BORA: variants seen among roughly 807,000 people sequenced by gnomAD.
The protein encoded by BORA is protein aurora borealis.
BORA carries 26 observed loss-of-function variants against 55.8 expected under a neutral mutation model. The ratio of observed to expected loss-of-function variants is 0.47; its 90% confidence interval spans 0.34 to 0.65. BORA has a LOEUF of 0.65. BORA is among the 30% of genes least tolerant of loss of function. The pLI is 0.01. For synonymous variants in BORA, 201 were observed against 216.9 expected, an observed-to-expected ratio of 0.93 and a Z score of 0.64; for missense variants, 568 against 671.5, an observed-to-expected ratio of 0.85 and a Z score of 1.70.
At position 72,756,184 on chromosome 13, in the gene BORA, C is replaced by A. The variant is rs1250993399; in HGVS notation, c.*968C>A. 2.7e-5 allele frequency: 1 copy of A among 36,880 alleles called. No homozygotes were observed. Among genetic ancestry groups the A allele is most frequent in the Non-Finnish European group, 4.2e-5 (1 of 23,634 alleles). The allele number at this position is 36,880 out of a possible 1,614,324, so 2.3% of individuals were successfully genotyped here. ...TGTCTCATTCAAAAGGGAATAAAGACCTGTGTTATCAATGTGTCATTTTCT... is the reference window on the plus strand; with the variant it reads ...TGTCTCATTCAAAAGGGAATAAAGAACTGTGTTATCAATGTGTCATTTTCT... On this transcript the variant is annotated 3_prime_UTR_variant, in exon 12 of 12. Coordinates refer to ENST00000390667, the MANE Select transcript of BORA (RefSeq NM_024808.5).
At position 72,741,941 on chromosome 13, in the gene BORA, G is replaced by A. The variant is rs1593812358; in HGVS notation, c.389-1596G>A. 2.0e-5 allele frequency among the ~76,000 whole-genome samples: 3 copies of A among 152,232 alleles called. No individual in the cohort carries two copies. In the East Asian group the frequency reaches 5.8e-4, roughly 29 times the overall value. ...TAATATTTAATTAGATGGCAACCAT[G>A]CTAGAGAAATAGACATGGTTTTGAA... On this transcript the variant is annotated intron_variant, in intron 5 of 11. Transcript: ENST00000390667.
In BORA at chr13:72,744,967, A is replaced by G. The variant is rs1378996402; in HGVS notation, c.512-14A>G. The G allele has an allele frequency of 1.2e-6, 2 of 1,606,898 alleles. No homozygotes were observed. Among genetic ancestry groups the G allele is most frequent in the Admixed American group, 1.7e-5 (1 of 59,818 alleles). ...AATGACTAGCTTTGCCTTTTCTCCT[A>G]TTATTAAATATAGGTGACTATTTTA... is the stretch of plus-strand genomic sequence containing the variant. On this transcript the variant is annotated splice_polypyrimidine_tract_variant and intron_variant, in intron 7 of 11. Transcript: ENST00000390667.
intron 3 of BORA, among the ~76,000 whole-genome samples, chr13:72,734,375 A>G (rs563542196): frequency 6.6e-6 from 1 of 152,322 alleles, no homozygotes; most frequent in East Asian, 1.9e-4. Context: ...AAAATTTTAT[A>G]TTAAATCTTG....
chr13:72,728,388 C>T (rs2032732684), intron 1 of BORA: 4 of 596,994 alleles, frequency 6.7e-6, no homozygotes, highest in Admixed American at 3.0e-5. Flanking sequence ...CAGTTAATTT[C>T]CTAGCCCCTG....
chr13:72,738,995 G>A (rs1021080698), intron 5 of BORA, among the ~76,000 whole-genome samples: 3 of 152,172 alleles, frequency 2.0e-5, no homozygotes, highest in Non-Finnish European at 4.4e-5. Flanking sequence ...ATTAGTGGTA[G>A]CACGCAATAG....
intron 3 of BORA, among the ~76,000 whole-genome samples, chr13:72,732,289 A>G (rs947739953): frequency 3.3e-5 from 5 of 152,182 alleles, no homozygotes; most frequent in African/African-American, 1.2e-4. Context: ...CATGATGACC[A>G]TTCAATCATA....
chr13:72,734,344 A>G (rs1366184516), intron 3 of BORA, among the ~76,000 whole-genome samples: 1 of 152,182 alleles, frequency 6.6e-6, no homozygotes, highest in Non-Finnish European at 1.5e-5. Context: ...CTTGGCAAGT[A>G]TATGCTTTGT....
At position 72,744,840 on chromosome 13, in the gene BORA, C is replaced by A. The variant is rs2033108943; in HGVS notation, c.512-141C>A. 9.9e-6 allele frequency: 7 copies of A among 706,246 alleles called. 1 individual carries two copies. In the Middle Eastern group the frequency reaches 1.4e-3, roughly 141 times the overall value. The allele number at this position is 706,246 out of a possible 1,614,324, so 43.7% of individuals were successfully genotyped here. On this transcript the variant is annotated intron_variant, in intron 7 of 11. Transcript: ENST00000390667. Reference sequence around the variant, plus strand: ...AGGAATAATTTAAGATGTAAAACATCAAATATGCAATTAAACTTTGCCCTC... The same window carrying A: ...AGGAATAATTTAAGATGTAAAACATAAAATATGCAATTAAACTTTGCCCTC...
intron 5 of BORA, among the ~76,000 whole-genome samples, chr13:72,739,703 C>T (rs1334597098): frequency 6.6e-6 from 1 of 152,114 alleles, no homozygotes; most frequent in Non-Finnish European, 1.5e-5. Flanking sequence ...CCACCAGCCA[C>T]CTGGGTATTT....
At chr13:72,754,339 TCTTACTCTGTCACC>T (rs1482276766) in intron 11 of BORA, 1 of 150,064 alleles carries the variant, frequency 6.7e-6, no homozygotes, top group South Asian at 2.1e-4. Flanking sequence ...TGAGACAGGG[TCTTACTCTGTCACC>T]CGGGCTGGAG....
chr13:72,743,475 A>T, intron 5 of BORA, 62 bp from the exon 6 acceptor site: 1 of 1,221,046 alleles, frequency 8.2e-7, no homozygotes, highest in Non-Finnish European at 1.1e-6. Context: ...CTTTGGAAAA[A>T]GTAATGCTAA....
At chr13:72,747,460 A>G (rs973587856) in intron 10 of BORA, among the ~76,000 whole-genome samples, 1 of 152,138 alleles carries the variant, frequency 6.6e-6, no homozygotes, top group African/African-American at 2.4e-5. Context: ...GGTCTGGTAT[A>G]GTATTTGCAT....
intron 10 of BORA, among the ~76,000 whole-genome samples, chr13:72,748,278 A>G (rs2033193721): frequency 6.6e-6 from 1 of 152,250 alleles, no homozygotes; most frequent in Non-Finnish European, 1.5e-5. Flanking sequence ...ACAACTAGTA[A>G]GTGGAAGAGC....
At chr13:72,732,533 C>T (rs575746042) in intron 3 of BORA, among the ~76,000 whole-genome samples, 7 of 152,032 alleles carry the variant, frequency 4.6e-5, no homozygotes, top group South Asian at 2.1e-4. Flanking sequence ...AAACATTAGC[C>T]GGGCATGGTG....
chr13:72,744,403 C>T (rs888301068), intron 6 of BORA, 102 bp from the exon 7 acceptor site: 11 of 939,570 alleles, frequency 1.2e-5, no homozygotes, highest in East Asian at 5.0e-5. Context: ...TGGAACATCA[C>T]GGGGAGATGA....
intron 4 of BORA, among the ~76,000 whole-genome samples, chr13:72,735,778 T>C (rs1234273042): frequency 6.6e-6 from 1 of 152,006 alleles, no homozygotes; most frequent in African/African-American, 2.4e-5. Context: ...CGCAGCTAAT[T>C]TTGTATTTTT....
At position 72,739,179 on chromosome 13, in the gene BORA, A is replaced by G. The variant is rs2032988753; in HGVS notation, c.388+1136A>G. Among the ~76,000 whole-genome samples, 4 of 152,206 alleles carry G rather than the reference A, an allele frequency of 2.6e-5. No individual in the cohort carries two copies. The South Asian group carries it at 8.3e-4, about 31-fold the overall frequency. On this transcript the variant is annotated intron_variant, in intron 5 of 11. Coordinates refer to ENST00000390667, the MANE Select transcript of BORA (RefSeq NM_024808.5). Reference sequence around the variant, plus strand: ...ATTGTGTGTCCAAGGTGGCATTCTCATAGATACTAGTTTTTCACCCCCAGA... The same window carrying G: ...ATTGTGTGTCCAAGGTGGCATTCTCGTAGATACTAGTTTTTCACCCCCAGA...
At chr13:72,743,709 C>CTTT (rs34245891) in intron 6 of BORA, 107 bp downstream of exon 6, 128 of 605,352 alleles carry the variant, frequency 2.1e-4, no homozygotes, top group South Asian at 7.6e-4. Flanking sequence ...AAATTGTTTC[C>CTTT]TTTTTTTTTT....
At chr13:72,737,585 A>G (rs187011678) in intron 4 of BORA, among the ~76,000 whole-genome samples, 2 of 152,320 alleles carry the variant, frequency 1.3e-5, no homozygotes, top group African/African-American at 4.8e-5. Context: ...AGAACAAACA[A>G]GCCAGCTTCA....
Sources: allele counts gnomAD v4.1 joint callset (sites outside exome capture counted in the v4.1 genomes callset), GRCh38; gene constraint gnomAD v4.1.1; transcripts MANE v1.5; gene names NCBI Gene and HGNC (gene_info 2026-07-23, HGNC 2026-07-21).